The following TENM1 variants were observed in gnomAD, a reference collection of about 807,000 sequenced individuals.
TENM1 encodes the protein teneurin-1.
A neutral mutation model predicts 174.8 loss-of-function variants in TENM1; 35 were observed. That is an observed-to-expected ratio of 0.20 (90% CI 0.15 to 0.27). The LOEUF (loss-of-function observed/expected upper bound fraction) is 0.27. Ranked by LOEUF, TENM1 falls within the 10% of genes least tolerant of loss-of-function variation. The pLI is 1.00. For missense variants in TENM1, 1,633 were observed against 2,130.1 expected, an observed-to-expected ratio of 0.77 and a Z score of 4.59; for synonymous variants, 781 against 798.7, an observed-to-expected ratio of 0.98 and a Z score of 0.37.
chrX:124,551,103 A>C (rs941380759), intron 14 of TENM1, among the ~76,000 whole-genome samples: 1 of 112,666 alleles, frequency 8.9e-6, no homozygotes, highest in Non-Finnish European at 1.9e-5. Context: ...AATCTGTAGA[A>C]TCCTAGACAA....
At chrX:124,636,551 C>G (rs1379171626) in intron 11 of TENM1, among the ~76,000 whole-genome samples, 3 of 111,827 alleles carry the variant, frequency 2.7e-5, no homozygotes, top group Non-Finnish European at 3.8e-5. Context: ...CATTTATGTA[C>G]TTGGTATTTG....
At chrX:124,629,980 A>AT (rs1481241772) in intron 11 of TENM1, among the ~76,000 whole-genome samples, 5 of 112,254 alleles carry the variant, frequency 4.5e-5, no homozygotes, top group Non-Finnish European at 7.5e-5. Flanking sequence ...ATGACTGTCC[A>AT]TAAGTCATTT....
At chrX:124,420,542 C>T (rs375080719) in exon 25 of TENM1, 33 of 1,210,870 alleles carry the variant, frequency 2.7e-5, no homozygotes, top group Non-Finnish European at 3.4e-5. Flanking sequence ...GGTAATCGCG[C>T]CCAAGTCACC....
At chrX:124,923,104 A>G (rs2058046606) in intron 1 of TENM1, among the ~76,000 whole-genome samples, 1 of 111,993 alleles carries the variant, frequency 8.9e-6, no homozygotes, top group Non-Finnish European at 1.9e-5. Context: ...TTTTTTGCCT[A>G]CTTTTCAAAT....
At chrX:124,988,268 C>T in the TENM1 span, among the ~76,000 whole-genome samples, 2,277 of 111,604 alleles carry the variant, frequency 0.02, 71 homozygotes, top group African/African-American at 0.07. Flanking sequence ...GGAGACATTG[C>T]TAAAGAACCT....
At chrX:124,628,090 G>A (rs1314253563) in intron 11 of TENM1, among the ~76,000 whole-genome samples, 4 of 111,085 alleles carry the variant, frequency 3.6e-5, no homozygotes, top group African/African-American at 1.3e-4. Flanking sequence ...TAAACTAGAA[G>A]TAGATTTAAA....
At chrX:124,503,608 G>A (rs2047379658) in exon 19 of TENM1, 1 of 1,206,811 alleles carries the variant, frequency 8.3e-7, no homozygotes, top group Admixed American at 2.2e-5. Flanking sequence ...CAGCCTCCTA[G>A]GTTAGAAGCA....
chrX:124,794,891 C>T (rs906271939), intron 3 of TENM1, among the ~76,000 whole-genome samples: 3 of 111,141 alleles, frequency 2.7e-5, no homozygotes, highest in African/African-American at 9.8e-5. Flanking sequence ...ACCACAGGCC[C>T]TTTGCATATG....
the TENM1 span, among the ~76,000 whole-genome samples, chrX:125,164,076 T>C: frequency 7.1e-5 from 8 of 111,994 alleles, no homozygotes; most frequent in Admixed American, 6.6e-4. Context: ...AATAATGAGC[T>C]GATCTGGAGA....
At chrX:124,718,999 A>T (rs951508629) in intron 4 of TENM1, among the ~76,000 whole-genome samples, 1 of 111,492 alleles carries the variant, frequency 9.0e-6, no homozygotes, top group Non-Finnish European at 1.9e-5. Context: ...CTGACAGTCT[A>T]CCTCCTTAAG....
chrX:124,682,630 T>A (rs1264394315), intron 5 of TENM1, among the ~76,000 whole-genome samples: 1 of 111,382 alleles, frequency 9.0e-6, no homozygotes, highest in East Asian at 2.8e-4. Flanking sequence ...TCAGCTGGGT[T>A]ATCATCAATG....
intron 3 of TENM1, among the ~76,000 whole-genome samples, chrX:124,824,174 G>A (rs898600870): frequency 9.0e-6 from 1 of 111,690 alleles, no homozygotes; most frequent in Non-Finnish European, 1.9e-5. Context: ...AATATTTTAT[G>A]AGGAATTTGC....
At chrX:124,870,981 CT>C (rs529740565) in intron 3 of TENM1, among the ~76,000 whole-genome samples, 3 of 110,977 alleles carry the variant, frequency 2.7e-5, no homozygotes, top group South Asian at 3.8e-4. Context: ...AAATCTTTAT[CT>C]TTTTTTTGTG....
chrX:125,007,311 G>A, the TENM1 span, among the ~76,000 whole-genome samples: 3 of 107,719 alleles, frequency 2.8e-5, no homozygotes, highest in Non-Finnish European at 5.7e-5. Flanking sequence ...AATAAGGCAC[G>A]CAGACAACAT....
chrX:124,463,071 C>T (rs1244394744), intron 22 of TENM1, among the ~76,000 whole-genome samples: 1 of 111,866 alleles, frequency 8.9e-6, no homozygotes, highest in Non-Finnish European at 1.9e-5. Context: ...TAGCTCATGA[C>T]ACCGCTCCCC....
At chrX:124,585,434 C>CTACTGGG (rs1325220676) in intron 11 of TENM1, among the ~76,000 whole-genome samples, 1 of 111,307 alleles carries the variant, frequency 9.0e-6, no homozygotes, top group Non-Finnish European at 1.9e-5. Flanking sequence ...TCCTGAATGA[C>CTACTGGG]TACTGGGTAC....
chrX:125,185,955 GAA>G, the TENM1 span, among the ~76,000 whole-genome samples: 1 of 111,452 alleles, frequency 9.0e-6, no homozygotes, highest in Non-Finnish European at 1.9e-5. Flanking sequence ...CTTAATTATA[GAA>G]GAGTATACCT....
chrX:124,719,376 A>C (rs2053258391), intron 4 of TENM1, among the ~76,000 whole-genome samples: 1 of 111,500 alleles, frequency 9.0e-6, no homozygotes, highest in Non-Finnish European at 1.9e-5. Context: ...AATAAAAAAA[A>C]ATTGCTTTTT....
At chrX:125,168,993 G>GTGTGT in the TENM1 span, among the ~76,000 whole-genome samples, 21 of 109,648 alleles carry the variant, frequency 1.9e-4, no homozygotes, top group African/African-American at 7.0e-4. Context: ...TGTGTGTGTG[G>GTGTGT]GTGTGTGTGT....
Sources: gnomAD v4.1 joint callset for allele counts (sites outside exome capture counted in the v4.1 genomes callset) on GRCh38, gnomAD v4.1.1 for gene constraint, MANE v1.5 for transcripts, NCBI Gene and HGNC (gene_info 2026-07-23, HGNC 2026-07-21) for gene names.